The following ANKRD36 variants were observed in gnomAD, a reference collection of about 807,000 sequenced individuals.
The protein encoded by ANKRD36 is ankyrin repeat domain-containing protein 36A.
Under a neutral mutation model 278.1 loss-of-function variants are expected in ANKRD36, and 179 were observed. The observed-to-expected ratio is 0.64, with a 90% CI of 0.57 to 0.73. The LOEUF (loss-of-function observed/expected upper bound fraction) is 0.73. Among genes scored for constraint, ANKRD36 ranks in the 30% least tolerant of loss-of-function variants. The pLI is 0.00. For missense variants in ANKRD36, 1,159 were observed against 1,956.7 expected (o/e 0.59, Z 7.69); for synonymous variants, 320 against 641.1 (o/e 0.50, Z 7.57).
chr2:97,203,504 A>G lies in ANKRD36; in HGVS notation c.2960-564A>G, dbSNP rs1466644815. Reference sequence around the variant, plus strand: ...ACCATATGGGGGTGAGAGATAATGAATATTATCTACTAGGTATCAGCAAAC... The same window carrying G: ...ACCATATGGGGGTGAGAGATAATGAGTATTATCTACTAGGTATCAGCAAAC... On this transcript the variant is annotated intron_variant, in intron 48 of 75. Coordinates refer to ENST00000420699, the MANE Select transcript of ANKRD36 (RefSeq NM_001354587.1). Among the ~76,000 whole-genome samples the G allele has an allele frequency of 3.3e-5, 5 of 151,872 alleles. No homozygotes were observed. The South Asian group carries it at 8.3e-4, about 25-fold the overall frequency.
chr2:97,230,820 G>T, intron 67 of ANKRD36, among the ~76,000 whole-genome samples: 1 of 152,078 alleles, frequency 6.6e-6, no homozygotes, highest in Non-Finnish European at 1.5e-5. Context: ...GGTTTTTGAT[G>T]TGGATGTCCT....
rs2044079034 is a variant in ANKRD36, at chr2:97,145,704, T to C, written c.1004-782T>C. 2.0e-5 allele frequency among the ~76,000 whole-genome samples: 3 copies of C among 152,100 alleles called. No individual in the cohort carries two copies. In the South Asian group the frequency reaches 6.3e-4, roughly 32 times the overall value. ...TCAAATTTGATAATTTTTTATACAT[T>C]TTGATTAGGTTTGTATATAATACCT... On this transcript the variant is annotated intron_variant, in intron 10 of 75. Coordinates refer to ENST00000420699, the MANE Select transcript of ANKRD36 (RefSeq NM_001354587.1).
intron 68 of ANKRD36, among the ~76,000 whole-genome samples, chr2:97,235,251 A>G (rs1221808507): frequency 1.3e-5 from 2 of 151,592 alleles, no homozygotes. Flanking sequence ...TTGTTCCAAC[A>G]CCGCATGTTG....
chr2:97,175,582 G>C (rs1299012186), intron 22 of ANKRD36, among the ~76,000 whole-genome samples: 1 of 151,752 alleles, frequency 6.6e-6, no homozygotes, highest in Admixed American at 6.6e-5. Context: ...CCAGCTCCTG[G>C]ATTCATTAAT....
At position 97,200,481 on chromosome 2, in the gene ANKRD36, C is replaced by T. The variant is rs537033574; in HGVS notation, c.2813C>T (p.Ser938Leu). 48 of 1,584,130 alleles carry T rather than the reference C, an allele frequency of 3.0e-5. No homozygotes were observed. Among genetic ancestry groups the T allele is most frequent in the East Asian group, 6.9e-5 (3 of 43,534 alleles). The change falls in exon 46 of 76, where the codon TCG becomes TTG. Residue 938 changes from serine to leucine, a missense_variant. Physicochemically the swap from Ser to Leu is moderately radical, Grantham distance 145. Coordinates refer to ENST00000420699, the MANE Select transcript of ANKRD36 (RefSeq NM_001354587.1). Reference sequence around the variant, plus strand: ...ACAAGTGATGAGAAGGATTCTTTTTCGAATATAACCAGAGAAAAAAAGGAT... The same window carrying T: ...ACAAGTGATGAGAAGGATTCTTTTTTGAATATAACCAGAGAAAAAAAGGAT... ...EATSDEKDSF[S>L]NITREKKDGE...
At position 97,193,124 on chromosome 2, in the gene ANKRD36, C is replaced by A. The variant is rs1338810881; in HGVS notation, c.2449+71C>A. On this transcript the variant is annotated intron_variant, in intron 38 of 75. Transcript: ENST00000420699. ...AAGAAGTTCTCTTCCCTGAATAAAT[C>A]AGCGGGGGGCTCGTTGAAGCTGCAC... 8.1e-6 allele frequency: 11 copies of A among 1,366,388 alleles called. 1 individual carries two copies. The African/African-American group carries it at 1.6e-4, about 20-fold the overall frequency. 84.6% of individuals were successfully genotyped at this position (1,366,388 alleles called of 1,614,324 possible).
intron 66 of ANKRD36, among the ~76,000 whole-genome samples, chr2:97,224,577 C>G (rs1420440959): frequency 1.3e-5 from 2 of 152,006 alleles, no homozygotes; most frequent in Admixed American, 6.6e-5. Flanking sequence ...AGCCTCCCGA[C>G]TAGCTGGGAC....
At chr2:97,199,257 C>G (rs1419422633) in intron 44 of ANKRD36, among the ~76,000 whole-genome samples, 2 of 151,906 alleles carry the variant, frequency 1.3e-5, no homozygotes, top group African/African-American at 4.8e-5. Context: ...CCAGGAACTA[C>G]TGGAAGCAGG....
At chr2:97,204,487 A>C (rs2153606356) in intron 50 of ANKRD36, among the ~76,000 whole-genome samples, 1 of 151,646 alleles carries the variant, frequency 6.6e-6, no homozygotes, top group Admixed American at 6.6e-5. Flanking sequence ...TGGGAAGAAG[A>C]AATATGGAGA....
intron 14 of ANKRD36, among the ~76,000 whole-genome samples, chr2:97,154,234 A>T (rs1026770818): frequency 6.8e-6 from 1 of 147,362 alleles, no homozygotes; most frequent in African/African-American, 2.4e-5. Context: ...TCAGAAATAG[A>T]TAATGGAGAA....
At chr2:97,145,267 G>A (rs2043974366) in intron 10 of ANKRD36, among the ~76,000 whole-genome samples, 1 of 152,026 alleles carries the variant, frequency 6.6e-6, no homozygotes, top group Non-Finnish European at 1.5e-5. Context: ...GATGTGTTTA[G>A]AATGTTTGCA....
At chr2:97,227,368 A>G (rs1251807127) in intron 67 of ANKRD36, among the ~76,000 whole-genome samples, 2 of 152,086 alleles carry the variant, frequency 1.3e-5, no homozygotes, top group Non-Finnish European at 2.9e-5. Flanking sequence ...ATTCCTAGGT[A>G]TTTTATTCTC....
At chr2:97,200,606 G>T in intron 46 of ANKRD36, 81 bp downstream of exon 46, 1 of 1,524,896 alleles carries the variant, frequency 6.6e-7, no homozygotes, top group Admixed American at 2.0e-5. Flanking sequence ...TCGGGGGCTG[G>T]TTGAAGCTGC....
intron 3 of ANKRD36, among the ~76,000 whole-genome samples, chr2:97,121,666 G>T (rs182946472): frequency 3.3e-5 from 5 of 151,998 alleles, no homozygotes; most frequent in African/African-American, 1.2e-4. Context: ...ATAAATAAAA[G>T]ATGCAAATAA....
chr2:97,186,204 G>C (rs2057387349), intron 30 of ANKRD36, among the ~76,000 whole-genome samples: 1 of 151,622 alleles, frequency 6.6e-6, no homozygotes, highest in Non-Finnish European at 1.5e-5. Context: ...TATATCTTTT[G>C]TTGATTTTTG....
intron 22 of ANKRD36, among the ~76,000 whole-genome samples, chr2:97,172,131 T>TA (rs2052747319): frequency 3.3e-5 from 5 of 151,626 alleles, no homozygotes; most frequent in Non-Finnish European, 7.4e-5. Flanking sequence ...TTGAATTAAT[T>TA]TAAAAAAATC....
At chr2:97,132,197 C>T (rs1483897247) in intron 6 of ANKRD36, among the ~76,000 whole-genome samples, 1 of 151,168 alleles carries the variant, frequency 6.6e-6, no homozygotes, top group Non-Finnish European at 1.5e-5. Context: ...TTCACAGGCA[C>T]AATCTCCACT....
Position 97,151,940 on chromosome 2 carries a change from G to A in ANKRD36, c.1162+1G>A, listed in dbSNP as rs561652775. On this transcript the variant is annotated splice_donor_variant, in intron 13 of 75. Coordinates refer to ENST00000420699, the MANE Select transcript of ANKRD36 (RefSeq NM_001354587.1). LOFTEE classifies it high-confidence loss of function. Reference sequence around the variant, plus strand: ...ATTTCTCCACGATCTATAAAAGATGGTAAGTTATTTGAAGGCTGCCTATTG... The same window carrying A: ...ATTTCTCCACGATCTATAAAAGATGATAAGTTATTTGAAGGCTGCCTATTG... The A allele has an allele frequency of 3.4e-6, 5 of 1,453,924 alleles. No individual in the cohort carries two copies. The highest frequency in any genetic ancestry group is 1.2e-5 in the South Asian group (1 of 80,804). The allele number at this position is 1,453,924 out of a possible 1,614,324, so 90.1% of individuals were successfully genotyped here.
chr2:97,232,028 A>C (rs1161984931), intron 67 of ANKRD36, among the ~76,000 whole-genome samples: 1 of 151,860 alleles, frequency 6.6e-6, no homozygotes, highest in Non-Finnish European at 1.5e-5. Context: ...TGACAAATTA[A>C]AGTTTCATGG....
Sources: gnomAD v4.1 joint callset for allele counts (sites outside exome capture counted in the v4.1 genomes callset) on GRCh38, gnomAD v4.1.1 for gene constraint, MANE v1.5 for transcripts, NCBI Gene and HGNC (gene_info 2026-07-23, HGNC 2026-07-21) for gene names.